SPEN: variants seen among roughly 807,000 people sequenced by gnomAD.
SPEN encodes spen family transcriptional repressor, also known as msx2-interacting protein.
SPEN carries 18 observed loss-of-function variants against 269.9 expected under a neutral mutation model. The observed-to-expected ratio is 0.07, with a 90% CI of 0.05 to 0.10. The LOEUF (loss-of-function observed/expected upper bound fraction) is 0.10. Ranked by LOEUF, SPEN falls within the 10% of genes least tolerant of loss-of-function variation. SPEN has a pLI of 1.00. For missense variants in SPEN, 3,822 were observed against 4,631.2 expected, an observed-to-expected ratio of 0.83 and a Z score of 5.07; for synonymous variants, 1,726 against 1,765.7, an observed-to-expected ratio of 0.98 and a Z score of 0.56.
At chr1:15,905,341 C>A (rs905597546) in intron 3 of SPEN, among the ~76,000 whole-genome samples, 4 of 151,548 alleles carry the variant, frequency 2.6e-5, no homozygotes, top group Admixed American at 1.3e-4. Flanking sequence ...CCTGCCTCAG[C>A]CTCCTGAGTA....
intron 1 of SPEN, among the ~76,000 whole-genome samples, chr1:15,852,271 A>G (rs1016472784): frequency 6.6e-6 from 1 of 152,132 alleles, no homozygotes; most frequent in Non-Finnish European, 1.5e-5. Context: ...CTTCTTGTCT[A>G]TGGCCATACC....
rs1238783602 is a variant in SPEN, at chr1:15,848,136, C to G, written c.69C>G (p.Ile23Met). The G allele has an allele frequency of 1.3e-5, 20 of 1,494,752 alleles. No individual in the cohort carries two copies. Among genetic ancestry groups the G allele is most frequent in the Non-Finnish European group, 1.6e-5 (18 of 1,113,788 alleles). The allele number at this position is 1,494,752 out of a possible 1,614,324, so 92.6% of individuals were successfully genotyped here. Residue 23 changes from isoleucine to methionine, a missense_variant, in exon 1 of 15, where the codon ATC becomes ATG. Physicochemically the swap from Ile to Met is conservative, Grantham distance 10. Transcript: ENST00000375759. This position sits in a 1 kb window ranked among gnomAD's most constrained non-coding sequence, Gnocchi z 5.1. ...LPENVREEKIIEHFKRYGRVE... is the reference protein window; with the variant it reads ...LPENVREEKIMEHFKRYGRVE... Reference sequence around the variant, plus strand: ...AGAACGTGCGGGAAGAGAAGATCATCGAGCATTTCAAACGGTGAGTGACAC... The same window carrying G: ...AGAACGTGCGGGAAGAGAAGATCATGGAGCATTTCAAACGGTGAGTGACAC...
Position 15,929,615 on chromosome 1 carries a change from G to GA in SPEN, c.3376dup (p.Arg1126LysfsTer5). ...AGGTATTAGATGATCAAGGACCAGAGAGAGAAGACGTTAGGAAAAACTATT... is the reference window on the plus strand; with the variant it reads ...AGGTATTAGATGATCAAGGACCAGAGAAGAGAAGACGTTAGGAAAAACTATT... On this transcript the variant is annotated frameshift_variant, in exon 11 of 15. Transcript: ENST00000375759. LOFTEE classifies it high-confidence loss of function. This position sits in a 1 kb window ranked among gnomAD's most constrained non-coding sequence, Gnocchi z 5.8. 6.2e-7 allele frequency: 1 copy of GA among 1,614,106 alleles called. No homozygotes were observed. The highest frequency in any genetic ancestry group is 1.3e-5 in the African/African-American group (1 of 75,036).
At chr1:15,938,169 T>C (rs1369502569) in intron 13 of SPEN, among the ~76,000 whole-genome samples, 163 bp downstream of exon 13, 1 of 152,244 alleles carries the variant, frequency 6.6e-6, no homozygotes, top group Non-Finnish European at 1.5e-5. Context: ...AGCGGTGCGA[T>C]CTCTGTTCAT....
intron 11 of SPEN, 51 bp downstream of exon 11, chr1:15,936,317 G>T: frequency 6.7e-7 from 1 of 1,490,870 alleles, no homozygotes. Context: ...TGCTTGTGGG[G>T]CTCAGCAGGC....
chr1:15,866,140 C>T (rs2070506373), intron 1 of SPEN, among the ~76,000 whole-genome samples: 1 of 152,042 alleles, frequency 6.6e-6, no homozygotes, highest in East Asian at 1.9e-4. Context: ...ATCTTGCTCA[C>T]CTCTTTTTCC....
intron 3 of SPEN, among the ~76,000 whole-genome samples, chr1:15,882,931 C>CT (rs2070701337): frequency 6.6e-6 from 1 of 152,108 alleles, no homozygotes; most frequent in Non-Finnish European, 1.5e-5. Context: ...CCAACCAAGT[C>CT]TGAGTCATGG....
At chr1:15,861,523 T>C (rs779019787) in intron 1 of SPEN, among the ~76,000 whole-genome samples, 109 of 152,152 alleles carry the variant, frequency 7.2e-4, no homozygotes, top group Non-Finnish European at 1.3e-3. Flanking sequence ...AAAATTATTA[T>C]TTTACTGAAA....
chr1:15,872,741 G>T (rs2070594238), intron 1 of SPEN, 75 bp from the exon 2 acceptor site: 1 of 1,286,146 alleles, frequency 7.8e-7, no homozygotes. Flanking sequence ...AACGCAAATT[G>T]TCCAAAAAAA....
chr1:15,883,232 A>G (rs1033203509), intron 3 of SPEN, among the ~76,000 whole-genome samples: 4 of 152,154 alleles, frequency 2.6e-5, no homozygotes, highest in Admixed American at 2.6e-4. Context: ...GGAAAGAAAG[A>G]CACACACACA....
chr1:15,893,092 C>G (rs2070805378), intron 3 of SPEN, among the ~76,000 whole-genome samples: 1 of 152,160 alleles, frequency 6.6e-6, no homozygotes. Flanking sequence ...GAGTGAAACT[C>G]TGTCTCAAAC....
At chr1:15,911,977 G>A (rs540798052) in intron 5 of SPEN, among the ~76,000 whole-genome samples, 1 of 152,142 alleles carries the variant, frequency 6.6e-6, no homozygotes, top group South Asian at 2.1e-4. Context: ...TAAATAAAAA[G>A]AAAAAAGAAA....
In SPEN at chr1:15,933,734, G is replaced by A. The variant is rs1004283735; in HGVS notation, c.7494G>A (p.Val2498=). 1.5e-5 allele frequency: 25 copies of A among 1,614,014 alleles called. No homozygotes were observed. The highest frequency in any genetic ancestry group is 2.0e-5 in the Non-Finnish European group (24 of 1,180,036). Residue 2498 remains valine, a synonymous_variant, in exon 11 of 15, where the codon GTG becomes GTA. Coordinates refer to ENST00000375759, the MANE Select transcript of SPEN (RefSeq NM_015001.3). The surrounding 1 kb of genome is among the most constrained non-coding windows in gnomAD (Gnocchi z 5.7). ...GIPHQSPPTK[V]TEWITRQEEP... is the part of the protein sequence containing the mutation. ...CACACCAGAGCCCCCCTACTAAGGT[G>A]ACAGAGTGGATCACAAGGCAGGAGG...
chr1:15,855,266 A>G (rs1008646100), intron 1 of SPEN, among the ~76,000 whole-genome samples: 10 of 152,184 alleles, frequency 6.6e-5, no homozygotes, highest in African/African-American at 1.9e-4. Context: ...GCCAAATGAT[A>G]TGAAGATTCT....
rs1216894788 is a variant in SPEN, at chr1:15,905,471, C to T, written c.882-3850C>T. ...TCCTGACCTCAGGTGATCCATCTGC[C>T]TTGGCCTCCCAAAGTGCTGGGATTA... On this transcript the variant is annotated intron_variant, in intron 3 of 14. Coordinates refer to ENST00000375759, the MANE Select transcript of SPEN (RefSeq NM_015001.3). Among the ~76,000 whole-genome samples, 3 of 151,496 alleles carry T rather than the reference C, an allele frequency of 2.0e-5. 1 individual carries two copies. The highest frequency in any genetic ancestry group is 2.0e-4 in the Admixed American group (3 of 15,182).
chr1:15,909,254 GT>G, intron 3 of SPEN, 66 bp from the exon 4 acceptor site: 1 of 1,536,614 alleles, frequency 6.5e-7, no homozygotes. Flanking sequence ...ATTTTAAGAA[GT>G]TTTCTAATGC....
Position 15,930,941 on chromosome 1 carries a change from G to A in SPEN, c.4701G>A (p.Glu1567=). Residue 1567 remains glutamate, a synonymous_variant, in exon 11 of 15, where the codon GAG becomes GAA. Transcript: ENST00000375759. This position sits in a 1 kb window ranked among gnomAD's most constrained non-coding sequence, Gnocchi z 5.3. Reference sequence around the variant, plus strand: ...GGATCTATGGGAAGCAGACATCTGAGGGAGCAAACAGCACAACTGATTCCA... The same window carrying A: ...GGATCTATGGGAAGCAGACATCTGAAGGAGCAAACAGCACAACTGATTCCA... The part of the protein sequence containing the change: ...SGRIYGKQTS[E]GANSTTDSIQ... 1.2e-6 allele frequency: 2 copies of A among 1,614,126 alleles called. No homozygotes were observed. Among genetic ancestry groups the A allele is most frequent in the Non-Finnish European group, 1.7e-6 (2 of 1,180,014 alleles).
chr1:15,871,692 T>A (rs2070576891), intron 1 of SPEN, among the ~76,000 whole-genome samples: 1 of 152,122 alleles, frequency 6.6e-6, no homozygotes, highest in African/African-American at 2.4e-5. Context: ...ATTAAAAAAA[T>A]TAGACTGTCA....
chr1:15,858,233 C>T (rs1446990480), intron 1 of SPEN, among the ~76,000 whole-genome samples: 1 of 136,778 alleles, frequency 7.3e-6, no homozygotes, highest in Non-Finnish European at 1.5e-5. Flanking sequence ...GGATTACAGG[C>T]ATGAGTCACT....
Sources: gnomAD v4.1 joint callset for allele counts (sites outside exome capture counted in the v4.1 genomes callset) on GRCh38, gnomAD v4.1.1 for gene constraint, Gnocchi (gnomAD v3.1) non-coding constraint, MANE v1.5 for transcripts, NCBI Gene and HGNC (gene_info 2026-07-23, HGNC 2026-07-21) for gene names.